KALRN: variants seen among roughly 807,000 people sequenced by gnomAD.
KALRN encodes kalirin.
In KALRN, 70 loss-of-function variants were observed where a neutral mutation model predicts 353.7. The observed-to-expected ratio is 0.20, with a 90% CI of 0.16 to 0.24. The LOEUF (loss-of-function observed/expected upper bound fraction) is 0.24, where lower values mean the gene tolerates loss of function less well. KALRN is among the 10% of genes least tolerant of loss of function. KALRN has a pLI of 1.00. For synonymous variants in KALRN, 1,391 were observed against 1,434.8 expected (o/e 0.97, Z 0.69); for missense variants, 2,791 against 3,756.7 (o/e 0.74, Z 6.72).
chr3:124,582,146 G>T (rs6789955), intron 34 of KALRN, among the ~76,000 whole-genome samples: 3 of 151,346 alleles, frequency 2.0e-5, no homozygotes, highest in Non-Finnish European at 4.4e-5. Context: ...TCAGCCTCCC[G>T]AATAGTGGGG....
In KALRN at chr3:124,313,355, C is replaced by A. The variant is rs543589306; in HGVS notation, c.1093-12625C>A. 9.2e-5 allele frequency among the ~76,000 whole-genome samples: 14 copies of A among 152,306 alleles called. 1 individual carries two copies. The South Asian group carries it at 2.7e-3, about 29-fold the overall frequency. ...TTCCTAAGGCAGGCCTTTAGGGAAC[C>A]TGTGATTGCAAAGTACTGCATGTAT... On this transcript the variant is annotated intron_variant, in intron 6 of 59. Transcript: ENST00000682506.
chr3:124,600,220 C>T (rs1053871498), intron 34 of KALRN, among the ~76,000 whole-genome samples: 1 of 152,206 alleles, frequency 6.6e-6, no homozygotes, highest in African/African-American at 2.4e-5. Context: ...GAAAGTCAGC[C>T]AAACTCACCA....
chr3:124,661,743 T>A, intron 44 of KALRN, 108 bp from the exon 45 acceptor site: 1 of 853,562 alleles, frequency 1.2e-6, no homozygotes, highest in East Asian at 2.4e-5. Context: ...CTTCCTAGAA[T>A]AAAGGAGCCA....
At chr3:124,465,529 G>A (rs2060245304) in intron 25 of KALRN, among the ~76,000 whole-genome samples, 1 of 152,098 alleles carries the variant, frequency 6.6e-6, no homozygotes, top group South Asian at 2.1e-4. Context: ...ATCACTACAA[G>A]AACCATCTGG....
At chr3:124,399,478 A>T (rs981509008) in intron 13 of KALRN, among the ~76,000 whole-genome samples, 4 of 152,156 alleles carry the variant, frequency 2.6e-5, no homozygotes, top group Non-Finnish European at 2.9e-5. Flanking sequence ...CTTACTTGGC[A>T]TTTTCCTGAA....
intron 34 of KALRN, among the ~76,000 whole-genome samples, chr3:124,579,027 T>A (rs1179930306): frequency 1.3e-5 from 2 of 152,228 alleles, no homozygotes; most frequent in African/African-American, 4.8e-5. Context: ...TATCCTGAGC[T>A]TTAAGAAATG....
At chr3:124,594,847 A>G (rs1310662488) in intron 34 of KALRN, among the ~76,000 whole-genome samples, 3 of 151,984 alleles carry the variant, frequency 2.0e-5, no homozygotes, top group Non-Finnish European at 4.4e-5. Context: ...TCTTTTTCTT[A>G]GTTATGAGGT....
chr3:124,174,554 C>T (rs528985921), intron 1 of KALRN, among the ~76,000 whole-genome samples: 13 of 152,350 alleles, frequency 8.5e-5, no homozygotes, highest in African/African-American at 2.6e-4. Flanking sequence ...CTCCCTTCTT[C>T]GAGCACCTGG....
chr3:124,387,844 G>T (rs2088640401), intron 11 of KALRN, among the ~76,000 whole-genome samples: 1 of 151,982 alleles, frequency 6.6e-6, no homozygotes, highest in African/African-American at 2.4e-5. Context: ...AACATTTTGA[G>T]TGGCTGTCAC....
chr3:124,396,448 A>G (rs2090169104), intron 12 of KALRN, among the ~76,000 whole-genome samples: 1 of 152,178 alleles, frequency 6.6e-6, no homozygotes, highest in African/African-American at 2.4e-5. Flanking sequence ...CTTCATGAAT[A>G]TATAATACAT....
chr3:124,372,996 C>G (rs893652683), intron 10 of KALRN, among the ~76,000 whole-genome samples: 5 of 152,124 alleles, frequency 3.3e-5, no homozygotes, highest in African/African-American at 1.2e-4. Flanking sequence ...ACTCCCTCCC[C>G]CAGCCCATCC....
chr3:124,281,375 GGGGAGGTGACCT>G (rs1391148023), intron 5 of KALRN, among the ~76,000 whole-genome samples: 4 of 152,176 alleles, frequency 2.6e-5, no homozygotes, highest in African/African-American at 9.7e-5. Context: ...AGATTTCCCT[GGGGAGGTGACCT>G]TGTCATGAGG....
At position 124,556,574 on chromosome 3, in the gene KALRN, C is replaced by G. The variant is rs118080639; in HGVS notation, c.4936-6269C>G. On this transcript the variant is annotated intron_variant, in intron 33 of 59. Transcript: ENST00000682506. ...GCATCATCAGCAATTTGGGGCTTTC[C>G]TGAAGCTTCTATAGTGGCCCTAGAG... Among the ~76,000 whole-genome samples, 157 of 152,272 alleles carry G rather than the reference C, an allele frequency of 1.0e-3. No homozygotes were observed. The East Asian group carries it at 0.028, about 27-fold the overall frequency.
chr3:124,291,517 C>A (rs1017634015), intron 5 of KALRN, among the ~76,000 whole-genome samples: 4 of 152,080 alleles, frequency 2.6e-5, no homozygotes, highest in Non-Finnish European at 5.9e-5. Flanking sequence ...TTTGTTAACC[C>A]TTTGCTCGTA....
At chr3:124,529,776 T>G (rs1163854656) in intron 33 of KALRN, among the ~76,000 whole-genome samples, 1 of 144,740 alleles carries the variant, frequency 6.9e-6, no homozygotes, top group Non-Finnish European at 1.5e-5. Flanking sequence ...TAATTAAGAA[T>G]GGAAAATGGG....
chr3:124,436,512 A>T (rs1002496594), intron 17 of KALRN, among the ~76,000 whole-genome samples: 1 of 152,144 alleles, frequency 6.6e-6, no homozygotes, highest in South Asian at 2.1e-4. Flanking sequence ...TAGAGAAGTC[A>T]CCTCAAGTTT....
At chr3:124,569,437 A>G (rs2073269679) in intron 34 of KALRN, among the ~76,000 whole-genome samples, 1 of 152,196 alleles carries the variant, frequency 6.6e-6, no homozygotes, top group African/African-American at 2.4e-5. Context: ...TGTGTCACCA[A>G]CTCACAAAAA....
chr3:124,339,883 A>C (rs907110694), intron 9 of KALRN, among the ~76,000 whole-genome samples: 3 of 152,220 alleles, frequency 2.0e-5, no homozygotes, highest in Non-Finnish European at 4.4e-5. Context: ...AACCTATTTC[A>C]AATAAGATGA....
chr3:124,237,342 T>C (rs1255413401), intron 3 of KALRN, among the ~76,000 whole-genome samples: 1 of 151,332 alleles, frequency 6.6e-6, no homozygotes, highest in Non-Finnish European at 1.5e-5. Context: ...ATCAAGCCTG[T>C]AGGTGACATT....
Sources: allele counts gnomAD v4.1 joint callset (sites outside exome capture counted in the v4.1 genomes callset), GRCh38; gene constraint gnomAD v4.1.1; transcripts MANE v1.5; gene names NCBI Gene and HGNC (gene_info 2026-07-23, HGNC 2026-07-21).